Variants in EVPL observed in about 807,000 individuals in gnomAD.
The protein encoded by EVPL is 210 kDa cornified envelope precursor protein.
A neutral mutation model predicts 129.7 loss-of-function variants in EVPL; 94 were observed. The observed-to-expected ratio is 0.72, with a 90% CI of 0.61 to 0.86. The LOEUF (loss-of-function observed/expected upper bound fraction) is 0.86. Among genes scored for constraint, EVPL ranks in the 40% least tolerant of loss-of-function variants. The pLI, the probability that EVPL is intolerant of heterozygous loss-of-function variation, is 0.00. For synonymous variants in EVPL, 1,172 were observed against 1,191.1 expected (o/e 0.98, Z 0.33); for missense variants, 2,625 against 2,721.1 (o/e 0.96, Z 0.79).
chr17:76,009,319 C>G lies in EVPL; in HGVS notation c.3886G>C (p.Gly1296Arg). Reference sequence around the variant, plus strand: ...TCGCGCCTCCACTCGTCGCGCTCACCCTGCAGGCGGATGAGCTGCTCCTGG... The same window carrying G: ...TCGCGCCTCCACTCGTCGCGCTCACGCTGCAGGCGGATGAGCTGCTCCTGG... ...RSQEQLIRLQGERDEWRRERA... is the reference protein window; with the variant it reads ...RSQEQLIRLQRERDEWRRERA... Residue 1296 changes from glycine (G) to arginine (R), a missense_variant, in exon 22 of 22, where the codon GGT becomes CGT. Physicochemically the swap from Gly to Arg is moderately radical, Grantham distance 125. Transcript: ENST00000301607. This position sits in a 1 kb window ranked among gnomAD's most constrained non-coding sequence, Gnocchi z 5.9. 6.2e-7 allele frequency: 1 copy of G among 1,611,280 alleles called. No homozygotes were observed. The highest frequency in any genetic ancestry group is 8.5e-7 in the Non-Finnish European group (1 of 1,179,836).
At position 76,024,229 on chromosome 17, in the gene EVPL, G is replaced by T; in HGVS notation, c.99-109C>A. ...CACCCCATCCTGCCCCCACAGCCTA[G>T]CTCACTGCCCTGACTTTGGGGTCTC... is the stretch of plus-strand genomic sequence containing the variant. On this transcript the variant is annotated intron_variant, in intron 1 of 21. Transcript: ENST00000301607. The surrounding 1 kb of genome is among the most constrained non-coding windows in gnomAD (Gnocchi z 4.5). 9.7e-7 allele frequency: 1 copy of T among 1,032,942 alleles called. No homozygotes were observed. The highest frequency in any genetic ancestry group is 1.5e-6 in the Non-Finnish European group (1 of 688,200). 64.0% of individuals were successfully genotyped at this position (1,032,942 alleles called of 1,614,324 possible). A position where few individuals can be genotyped will look rare whatever the true frequency, so the allele number is the denominator to read the frequency against.
Position 76,018,212 on chromosome 17 carries a change from G to A in EVPL, c.1486C>T (p.Gln496Ter). The A allele has an allele frequency of 6.5e-7, 1 of 1,550,384 alleles. No individual in the cohort carries two copies. The highest frequency in any genetic ancestry group is 8.7e-7 in the Non-Finnish European group (1 of 1,146,280). ...QALKQKLATV[Q>*]SRLKASAVES... The stretch of plus-strand genomic sequence containing the variant: ...ACAGCACTGGCCTTCAGGCGGCTCT[G>A]GACTGTGGCCAATTTCTGCTTCAGG... Residue 496 changes from glutamine (Q) to a stop codon, truncating the protein, a stop_gained, in exon 13 of 22, where the codon CAG becomes TAG. Transcript: ENST00000301607. LOFTEE classifies it high-confidence loss of function.
At position 76,013,134 on chromosome 17, in the gene EVPL, T is replaced by C. The variant is rs2066392082; in HGVS notation, c.2374-1045A>G. The stretch of plus-strand genomic sequence containing the variant: ...CAATTGGAAAGTTCTCAATACGGGA[T>C]GCCCACTTTTATTCACCTGGGAACT... On this transcript the variant is annotated intron_variant, in intron 18 of 21. Coordinates refer to ENST00000301607, the MANE Select transcript of EVPL (RefSeq NM_001988.4). This position sits in a 1 kb window ranked among gnomAD's most constrained non-coding sequence, Gnocchi z 4.3. 6.6e-6 allele frequency among the ~76,000 whole-genome samples: 1 copy of C among 152,210 alleles called. No individual in the cohort carries two copies.
intron 18 of EVPL, 99 bp downstream of exon 18, chr17:76,014,327 C>T: frequency 6.9e-7 from 1 of 1,456,048 alleles, no homozygotes; most frequent in Non-Finnish European, 9.1e-7. Flanking sequence ...GGGCCCAGGG[C>T]CTCCGTGGCC....
rs772041026 is a variant in EVPL at position 76,007,934 on chromosome 17, G to A, written c.5271C>T (p.Arg1757=). The A allele has an allele frequency of 1.2e-6, 2 of 1,614,028 alleles. No homozygotes were observed. The highest frequency in any genetic ancestry group is 1.7e-6 in the Non-Finnish European group (2 of 1,180,052). ...ACAGATGGTACTCCTCCTTAGAGAT[G>A]CGCCGGCAGCGGAGGGCGGCCTCGA... ...YSIEAALRCR[R]ISKEEYHLYK... is the part of the protein sequence containing the mutation. The change falls in exon 22 of 22, where the codon CGC becomes CGT. Residue 1757 remains arginine, a synonymous_variant. Transcript: ENST00000301607. This position sits in a 1 kb window ranked among gnomAD's most constrained non-coding sequence, Gnocchi z 8.8.
chr17:76,016,788 C>A (rs2066421674), intron 14 of EVPL, among the ~76,000 whole-genome samples: 1 of 151,974 alleles, frequency 6.6e-6, no homozygotes. Flanking sequence ...TACCTGTGGT[C>A]CCAACTACTC....
Position 76,015,494 on chromosome 17 carries a change from G to A in EVPL, c.1845C>T (p.Asn615=). 6.2e-7 allele frequency: 1 copy of A among 1,613,226 alleles called. No homozygotes were observed. The highest frequency in any genetic ancestry group is 8.5e-7 in the Non-Finnish European group (1 of 1,180,010). ...ACAGAACCTGCACGTCACTGAACTTGTTCTTCACGCTGTTGAGGGCTACGG... is the reference window on the plus strand; with the variant it reads ...ACAGAACCTGCACGTCACTGAACTTATTCTTCACGCTGTTGAGGGCTACGG... ...QLPVALNSVK[N]KFSDVQVLCS... Residue 615 remains asparagine (N), a synonymous_variant, in exon 15 of 22, where the codon AAC becomes AAT. Transcript: ENST00000301607.
chr17:76,026,931 A>G (rs1238973125), intron 1 of EVPL, among the ~76,000 whole-genome samples, 170 bp downstream of exon 1: 1 of 152,212 alleles, frequency 6.6e-6, no homozygotes, highest in Non-Finnish European at 1.5e-5. Context: ...TGCGGCTCCC[A>G]AGGCAGGGAG....
At chr17:76,017,469 C>T (rs1172867482) in intron 14 of EVPL, among the ~76,000 whole-genome samples, 1 of 152,140 alleles carries the variant, frequency 6.6e-6, no homozygotes, top group Non-Finnish European at 1.5e-5. Context: ...CCTACTGGAA[C>T]CTTCCTGAAT....
At chr17:76,026,849 G>A (rs1209116928) in intron 1 of EVPL, among the ~76,000 whole-genome samples, 2 of 152,252 alleles carry the variant, frequency 1.3e-5, no homozygotes, top group East Asian at 1.9e-4. Flanking sequence ...TGGCCCTCAG[G>A]CCCCCTTAGA....
intron 9 of EVPL, among the ~76,000 whole-genome samples, chr17:76,020,466 GA>G (rs1177597532): frequency 2.6e-5 from 4 of 152,190 alleles, no homozygotes; most frequent in African/African-American, 9.6e-5. Flanking sequence ...CCCCGGAGAA[GA>G]AGCTGTGCTT....
Position 76,021,711 on chromosome 17 carries a change from A to G in EVPL, c.878T>C (p.Met293Thr). 5 of 1,601,810 alleles carry G rather than the reference A, an allele frequency of 3.1e-6. No individual in the cohort carries two copies. The highest frequency in any genetic ancestry group is 4.3e-6 in the Non-Finnish European group (5 of 1,175,006). ...CACCGCGGGGTGCCGCAGCTCCACC[A>G]TGCGCTCGCCGTCGTCCTCCAGCTG... Reference protein sequence around the residue: ...VNQLEDDGERMVELRHPAVGP... With the variant: ...VNQLEDDGERTVELRHPAVGP... Residue 293 changes from methionine to threonine, a missense_variant, in exon 8 of 22, where the codon ATG becomes ACG. This residue lies in a region of EVPL where 1,024 missense variants were observed against 997.5 expected (regional missense o/e 1.03). Coordinates refer to ENST00000301607, the MANE Select transcript of EVPL (RefSeq NM_001988.4).
chr17:76,009,899 A>T lies in EVPL; in HGVS notation c.3306T>A (p.Asp1102Glu). The T allele has an allele frequency of 1.2e-6, 2 of 1,614,002 alleles. No individual in the cohort carries two copies. Among genetic ancestry groups the T allele is most frequent in the Non-Finnish European group, 1.7e-6 (2 of 1,180,008 alleles). ...AQALRLQMEE[D>E]AARRKQAEEA... ...CCTCCGCCTGCTTCCTCCGCGCAGC[A>T]TCCTCCTCCATCTGCAGCCTCAGAG... Residue 1102 changes from aspartate to glutamate, a missense_variant, in exon 22 of 22, where the codon GAT becomes GAA. Coordinates refer to ENST00000301607, the MANE Select transcript of EVPL (RefSeq NM_001988.4). The surrounding 1 kb of genome is among the most constrained non-coding windows in gnomAD (Gnocchi z 5.9).
chr17:76,018,295 C>G (rs1190231871), intron 12 of EVPL, 37 bp from the exon 13 acceptor site: 4 of 1,521,896 alleles, frequency 2.6e-6, no homozygotes, highest in Non-Finnish European at 3.5e-6. Context: ...GAGGTCCCCA[C>G]TCTGCCTCTC....
Position 76,018,172 on chromosome 17 carries a change from G to C in EVPL, c.1526C>G (p.Pro509Arg). The C allele has an allele frequency of 6.4e-7, 1 of 1,550,988 alleles. No individual in the cohort carries two copies. The highest frequency in any genetic ancestry group is 8.7e-7 in the Non-Finnish European group (1 of 1,146,840). ...LKASAVESLR[P>R]SQQAPSGSDL... ...GCCACCCTGGGTACCCTGCTGGCTG[G>C]GCCGAAGAGACTCCACAGCACTGGC... Residue 509 changes from proline to arginine, a missense_variant, in exon 13 of 22, where the codon CCC (proline) becomes CGC (arginine). Pro to Arg is a moderately radical substitution (Grantham distance 103, BLOSUM62 -2). This residue lies in a region of EVPL where 1,024 missense variants were observed against 997.5 expected (regional missense o/e 1.03). Transcript: ENST00000301607.
At chr17:76,011,294 G>A (rs1464023964) in intron 21 of EVPL, among the ~76,000 whole-genome samples, 1 of 152,212 alleles carries the variant, frequency 6.6e-6, no homozygotes, top group African/African-American at 2.4e-5. Context: ...TGCTCTCTGG[G>A]GTTAGAGGTC....
rs368022111 is a variant in EVPL, at chr17:76,007,801, C to T, written c.5404G>A (p.Ala1802Thr). ...IGSIISKSPL[A>T]SPAPQSTSFF... is the part of the protein sequence containing the mutation. The stretch of plus-strand genomic sequence containing the variant: ...CTGGTGCTCTGGGGGGCCGGGGAGG[C>T]GAGCGGGGACTTGGAGATGATAGAG... The change falls in exon 22 of 22, where the codon GCC (alanine) becomes ACC (threonine). Residue 1802 changes from alanine (A) to threonine (T), a missense_variant. Around this residue, in one of 4 missense-constraint regions of EVPL, gnomAD observed 1,453 missense variants for 1,511.8 expected, o/e 0.96. Coordinates refer to ENST00000301607, the MANE Select transcript of EVPL (RefSeq NM_001988.4). This position sits in a 1 kb window ranked among gnomAD's most constrained non-coding sequence, Gnocchi z 8.8. 6.8e-6 allele frequency: 11 copies of T among 1,610,752 alleles called. No homozygotes were observed. The highest frequency in any genetic ancestry group is 4.5e-5 in the East Asian group (2 of 44,794).
At chr17:76,011,696 G>A (rs758860639) in intron 20 of EVPL, 28 bp from the exon 21 acceptor site, 23 of 1,612,526 alleles carry the variant, frequency 1.4e-5, no homozygotes, top group Middle Eastern at 1.6e-4. Context: ...AGAGGGGAAG[G>A]GCAGAGTCAG....
rs1268695497 is a variant in EVPL, at chr17:76,022,339, G to C, written c.606+74C>G. The C allele has an allele frequency of 6.9e-6, 11 of 1,603,646 alleles. No individual in the cohort carries two copies. The highest frequency in any genetic ancestry group is 1.3e-5 in the African/African-American group (1 of 74,810). ...CCACCCCTATCCCCAGGGCCCAGCC[G>C]ATCTAGCTCCGGCTCTGACTGGAGA... On this transcript the variant is annotated intron_variant, in intron 5 of 21. Coordinates refer to ENST00000301607, the MANE Select transcript of EVPL (RefSeq NM_001988.4). The surrounding 1 kb of genome is among the most constrained non-coding windows in gnomAD (Gnocchi z 5.6).
Sources: allele counts gnomAD v4.1 joint callset (sites outside exome capture counted in the v4.1 genomes callset), GRCh38; gene constraint gnomAD v4.1.1; regional missense constraint gnomAD v4.1.1; non-coding constraint Gnocchi (gnomAD v3.1); transcripts MANE v1.5; gene names NCBI Gene and HGNC (gene_info 2026-07-23, HGNC 2026-07-21).